Variants in DYNC2I1 observed in about 807,000 individuals in gnomAD.
DYNC2I1 encodes the protein dynein 2 intermediate chain 1, also known as cytoplasmic dynein 2 intermediate chain 1.
In DYNC2I1, 89 loss-of-function variants were observed where a neutral mutation model predicts 133.4. That is an observed-to-expected ratio of 0.67 (90% confidence interval 0.56 to 0.80). The LOEUF (loss-of-function observed/expected upper bound fraction) is 0.80. DYNC2I1 is among the 30% of genes least tolerant of loss of function. DYNC2I1 has a pLI of 0.00. For missense variants in DYNC2I1, 1,291 were observed against 1,314.5 expected (o/e 0.98, Z 0.28); for synonymous variants, 504 against 484.3 (o/e 1.04, Z -0.54).
chr7:158,902,167 G>C (rs1177319725), intron 9 of DYNC2I1, among the ~76,000 whole-genome samples: 1 of 152,186 alleles, frequency 6.6e-6, no homozygotes, highest in Non-Finnish European at 1.5e-5. Flanking sequence ...GTTCTGTATT[G>C]TGTGATTTAT....
intron 5 of DYNC2I1, among the ~76,000 whole-genome samples, chr7:158,882,891 A>G (rs966661310): frequency 1.3e-5 from 2 of 149,806 alleles, no homozygotes; most frequent in Non-Finnish European, 3.0e-5. Context: ...AAAAAAAAAA[A>G]GGAAAAGAAA....
intron 23 of DYNC2I1, among the ~76,000 whole-genome samples, chr7:158,935,263 TC>T (rs1277696838): frequency 6.6e-6 from 1 of 152,206 alleles, no homozygotes; most frequent in Non-Finnish European, 1.5e-5. Flanking sequence ...CTTGCTGTCT[TC>T]CCCTCCAGGG....
chr7:158,875,149 G>T lies in DYNC2I1; in HGVS notation c.491-1460G>T, dbSNP rs141149756. On this transcript the variant is annotated intron_variant, in intron 3 of 24. Coordinates refer to ENST00000407559, the MANE Select transcript of DYNC2I1 (RefSeq NM_018051.5). ...CTCGCTCTATTGTCCAGGCTGGAGTGCAGTGTTGCAGTCTTGGCTCACTGC... is the reference window on the plus strand; with the variant it reads ...CTCGCTCTATTGTCCAGGCTGGAGTTCAGTGTTGCAGTCTTGGCTCACTGC... 4.6e-4 allele frequency among the ~76,000 whole-genome samples: 67 copies of T among 146,470 alleles called. 1 individual carries two copies. In the East Asian group the frequency reaches 0.013, roughly 28 times the overall value.
chr7:158,848,730 C>T, the DYNC2I1 span, among the ~76,000 whole-genome samples: 1 of 152,146 alleles, frequency 6.6e-6, no homozygotes. Flanking sequence ...CGAGACCATT[C>T]TGGCTAACAC....
At chr7:158,922,632 GGA>G in intron 16 of DYNC2I1, 83 bp downstream of exon 16, 1 of 1,374,896 alleles carries the variant, frequency 7.3e-7, no homozygotes, top group Non-Finnish European at 1.0e-6. Context: ...GGAGAGTCAC[GGA>G]GAGAGGTGCA....
rs749621071 is a variant in DYNC2I1, at chr7:158,902,487, C to G, written c.1249C>G (p.Gln417Glu). The G allele has an allele frequency of 6.8e-6, 11 of 1,613,784 alleles. No individual in the cohort carries two copies. In the East Asian group the frequency reaches 2.5e-4, roughly 36 times the overall value. ...TCCTCTAGCTCAAAAAAAGGAAATA[C>G]AAGAAATTCAAAGAGCTATTAATGC... ...ELPLAQKKEI[Q>E]EIQRAINAEN... Residue 417 changes from glutamine to glutamate, a missense_variant, in exon 10 of 25, where the codon CAA becomes GAA. Coordinates refer to ENST00000407559, the MANE Select transcript of DYNC2I1 (RefSeq NM_018051.5).
At chr7:158,919,000 T>C (rs1043032207) in intron 15 of DYNC2I1, 131 bp downstream of exon 15, 6 of 1,091,896 alleles carry the variant, frequency 5.5e-6, no homozygotes, top group Non-Finnish European at 7.4e-6. Context: ...AAAGACTGAG[T>C]TTCTGCAGAA....
At chr7:158,905,601 T>C (rs1846713722) in intron 10 of DYNC2I1, among the ~76,000 whole-genome samples, 2 of 152,246 alleles carry the variant, frequency 1.3e-5, no homozygotes, top group Admixed American at 1.3e-4. Flanking sequence ...TCAATATTAA[T>C]TTGCACTTGT....
At chr7:158,884,431 T>G (rs1844394054) in intron 5 of DYNC2I1, 133 bp from the exon 6 acceptor site, 1 of 653,106 alleles carries the variant, frequency 1.5e-6, no homozygotes. Context: ...AATAGTTATT[T>G]TAAAAGGTAC....
At chr7:158,913,819 C>T (rs1157612887) in intron 13 of DYNC2I1, among the ~76,000 whole-genome samples, 2 of 152,176 alleles carry the variant, frequency 1.3e-5, no homozygotes, top group Non-Finnish European at 2.9e-5. Context: ...AGTGATTCTC[C>T]TGCCTCAGCC....
chr7:158,889,678 C>T (rs1046066313), intron 7 of DYNC2I1, among the ~76,000 whole-genome samples: 1 of 151,024 alleles, frequency 6.6e-6, no homozygotes, highest in Non-Finnish European at 1.5e-5. Flanking sequence ...CATAGGAAGT[C>T]CTCATCTATA....
At chr7:158,841,091 A>G in the DYNC2I1 span, among the ~76,000 whole-genome samples, 1 of 147,412 alleles carries the variant, frequency 6.8e-6, no homozygotes, top group Admixed American at 6.9e-5. Flanking sequence ...TTTCAGCCTC[A>G]TCTCCAACTG....
intron 11 of DYNC2I1, among the ~76,000 whole-genome samples, chr7:158,907,099 A>G (rs1846899061): frequency 6.6e-6 from 1 of 151,676 alleles, no homozygotes; most frequent in Admixed American, 6.6e-5. Context: ...TTGAGGCTGC[A>G]CTGAGCTGTG....
chr7:158,934,024 C>T, intron 21 of DYNC2I1, 105 bp from the exon 22 acceptor site: 2 of 754,368 alleles, frequency 2.7e-6, no homozygotes, highest in Admixed American at 3.0e-5. Context: ...TGTGACATGG[C>T]CTGTTATACA....
chr7:158,848,365 G>A, the DYNC2I1 span, among the ~76,000 whole-genome samples: 458 of 152,124 alleles, frequency 3.0e-3, 2 homozygotes, highest in African/African-American at 0.011. Context: ...AAATATTGAG[G>A]GTAAAAGGGC....
At chr7:158,841,559 T>A in the DYNC2I1 span, among the ~76,000 whole-genome samples, 1 of 152,122 alleles carries the variant, frequency 6.6e-6, no homozygotes, top group Non-Finnish European at 1.5e-5. Flanking sequence ...TTCTGTCACT[T>A]CCTAGGGTAT....
In DYNC2I1 at chr7:158,891,252, C is replaced by T; in HGVS notation, c.991-13C>T. On this transcript the variant is annotated splice_polypyrimidine_tract_variant and intron_variant, in intron 7 of 24. Coordinates refer to ENST00000407559, the MANE Select transcript of DYNC2I1 (RefSeq NM_018051.5). ...CTGTGTCCTGGCTGATGGGGCTGTTCTCTCTCCATTAGCATGGCCACGAGG... is the reference window on the plus strand; with the variant it reads ...CTGTGTCCTGGCTGATGGGGCTGTTTTCTCTCCATTAGCATGGCCACGAGG... 1 of 1,613,988 alleles carries T rather than the reference C, an allele frequency of 6.2e-7. No individual in the cohort carries two copies. Among genetic ancestry groups the T allele is most frequent in the Non-Finnish European group, 8.5e-7 (1 of 1,179,868 alleles).
intron 4 of DYNC2I1, among the ~76,000 whole-genome samples, chr7:158,952,096 C>T (rs924735444): frequency 2.0e-5 from 3 of 152,148 alleles, no homozygotes; most frequent in East Asian, 1.9e-4. Flanking sequence ...TGGAAATCCA[C>T]GTGGGAAGAG....
intron 4 of DYNC2I1, among the ~76,000 whole-genome samples, chr7:158,877,775 A>G (rs1308096972): frequency 6.6e-6 from 1 of 152,134 alleles, no homozygotes; most frequent in Non-Finnish European, 1.5e-5. Flanking sequence ...AGAGATGGTT[A>G]AACTCTGGTC....
Sources: allele counts gnomAD v4.1 joint callset (sites outside exome capture counted in the v4.1 genomes callset), GRCh38; gene constraint gnomAD v4.1.1; transcripts MANE v1.5; gene names NCBI Gene and HGNC (gene_info 2026-07-23, HGNC 2026-07-21).